Variants in VPS54 observed in about 807,000 individuals in gnomAD.
VPS54 encodes the protein VPS54 subunit of GARP complex.
Under a neutral mutation model 121.5 loss-of-function variants are expected in VPS54, and 45 were observed. The ratio of observed to expected loss-of-function variants is 0.37; its 90% CI spans 0.29 to 0.47. The LOEUF (loss-of-function observed/expected upper bound fraction) is 0.47, where lower values mean the gene tolerates loss of function less well. Ranked by LOEUF, VPS54 falls within the 20% of genes least tolerant of loss-of-function variation. The pLI, the probability that VPS54 is intolerant of heterozygous loss-of-function variation, is 0.99. For missense variants in VPS54, 1,090 were observed against 1,131.4 expected (o/e 0.96, Z 0.52); for synonymous variants, 371 against 385.8 (o/e 0.96, Z 0.45).
At chr2:63,995,639 C>G (rs1677546046) in intron 1 of VPS54, among the ~76,000 whole-genome samples, 1 of 152,112 alleles carries the variant, frequency 6.6e-6, no homozygotes, top group Admixed American at 6.5e-5. Flanking sequence ...AGGCATTGAC[C>G]AAAAATTGGC....
intron 1 of VPS54, among the ~76,000 whole-genome samples, chr2:64,015,865 A>G (rs941828629): frequency 4.6e-5 from 7 of 152,220 alleles, no homozygotes; most frequent in African/African-American, 1.4e-4. Context: ...CATGGGTTTC[A>G]TCAATGTAGC....
intron 6 of VPS54, among the ~76,000 whole-genome samples, chr2:63,964,010 A>G (rs969585689): frequency 2.0e-5 from 3 of 152,206 alleles, no homozygotes; most frequent in African/African-American, 7.2e-5. Flanking sequence ...ATTCCAGTGC[A>G]AACTCCTTAT....
Position 63,960,860 on chromosome 2 carries a change from G to C in VPS54, c.1010+1198C>G, listed in dbSNP as rs547510181. On this transcript the variant is annotated intron_variant, in intron 7 of 22. Coordinates refer to ENST00000272322, the MANE Select transcript of VPS54 (RefSeq NM_016516.3). ...TTCAAAGTAGACTTCAAAAAAACAT[G>C]AATCACCCAAAATTGATTGCAAAAT... is the stretch of plus-strand genomic sequence containing the variant. 3.3e-3 allele frequency among the ~76,000 whole-genome samples: 499 copies of C among 152,244 alleles called. 2 individuals carry two copies. Among genetic ancestry groups the C allele is most frequent in the Middle Eastern group, 0.017 (5 of 294 alleles).
chr2:63,897,170 A>T (rs1471715988), intron 22 of VPS54, among the ~76,000 whole-genome samples: 1 of 152,236 alleles, frequency 6.6e-6, no homozygotes, highest in Non-Finnish European at 1.5e-5. Flanking sequence ...AGGTTAAGTG[A>T]CATTCACATG....
intron 3 of VPS54, among the ~76,000 whole-genome samples, chr2:63,978,678 G>A (rs990839135): frequency 2.6e-5 from 4 of 152,192 alleles, no homozygotes; most frequent in Non-Finnish European, 4.4e-5. Context: ...GGAGTGGAAT[G>A]GCATGATCTC....
chr2:64,011,403 T>C (rs1464021891), intron 1 of VPS54, among the ~76,000 whole-genome samples: 1 of 151,510 alleles, frequency 6.6e-6, no homozygotes, highest in Non-Finnish European at 1.5e-5. Flanking sequence ...CTGTCTCTAC[T>C]AAAATACAAA....
intron 1 of VPS54, among the ~76,000 whole-genome samples, chr2:64,006,844 C>G (rs1678180276): frequency 6.6e-6 from 1 of 152,206 alleles, no homozygotes; most frequent in Non-Finnish European, 1.5e-5. Flanking sequence ...GTCTTGAACT[C>G]CTGACCTCAG....
At chr2:63,955,849 A>T (rs1485198266) in intron 7 of VPS54, among the ~76,000 whole-genome samples, 1 of 152,094 alleles carries the variant, frequency 6.6e-6, no homozygotes, top group Non-Finnish European at 1.5e-5. Context: ...ATTATTATTA[A>T]CCTTAACAAA....
chr2:64,008,167 C>A (rs1330884326), intron 1 of VPS54, among the ~76,000 whole-genome samples: 1 of 152,070 alleles, frequency 6.6e-6, no homozygotes, highest in Non-Finnish European at 1.5e-5. Context: ...AATTCCAGCA[C>A]TTTGGGAGGA....
chr2:63,928,419 G>A (rs977353664), intron 12 of VPS54, among the ~76,000 whole-genome samples: 22 of 152,160 alleles, frequency 1.4e-4, no homozygotes. Flanking sequence ...AGCTTCATAA[G>A]TGAAGGAGAA....
intron 13 of VPS54, among the ~76,000 whole-genome samples, chr2:63,920,839 G>A: frequency 6.6e-6 from 1 of 151,786 alleles, no homozygotes; most frequent in Non-Finnish European, 1.5e-5. Flanking sequence ...AATGAATTTA[G>A]GTCATACTAT....
intron 11 of VPS54, among the ~76,000 whole-genome samples, chr2:63,935,516 T>C (rs1419477281): frequency 6.6e-6 from 1 of 152,164 alleles, no homozygotes; most frequent in Non-Finnish European, 1.5e-5. Context: ...ATCTCTTCTG[T>C]CTTGCTAATT....
chr2:63,894,841 A>G (rs1558973151), intron 22 of VPS54, among the ~76,000 whole-genome samples: 1 of 152,226 alleles, frequency 6.6e-6, no homozygotes, highest in Non-Finnish European at 1.5e-5. Context: ...ATATAAGTAA[A>G]TTTACAAAAC....
At chr2:63,965,422 G>A (rs983396124) in intron 6 of VPS54, among the ~76,000 whole-genome samples, 2 of 152,216 alleles carry the variant, frequency 1.3e-5, no homozygotes, top group Admixed American at 1.3e-4. Flanking sequence ...GTTGCAGTGA[G>A]TGGAGATCGT....
At chr2:63,939,812 G>A (rs890297214) in intron 11 of VPS54, among the ~76,000 whole-genome samples, 1 of 151,484 alleles carries the variant, frequency 6.6e-6, no homozygotes, top group African/African-American at 2.4e-5. Flanking sequence ...CCAGGCTGGA[G>A]TACAGTAGCA....
At chr2:63,907,907 A>G (rs1242034562) in intron 20 of VPS54, among the ~76,000 whole-genome samples, 1 of 152,232 alleles carries the variant, frequency 6.6e-6, no homozygotes, top group Non-Finnish European at 1.5e-5. Flanking sequence ...ACATTAAAAA[A>G]TAAAGTGATG....
intron 12 of VPS54, 25 bp downstream of exon 12, chr2:63,933,648 A>G (rs750152226): frequency 3.2e-6 from 5 of 1,585,830 alleles, no homozygotes; most frequent in Middle Eastern, 3.4e-4. Context: ...AATCTTGTCA[A>G]TTTGGCAGTA....
chr2:63,970,164 T>G (rs1676198603), intron 4 of VPS54, among the ~76,000 whole-genome samples: 3 of 148,576 alleles, frequency 2.0e-5, no homozygotes, highest in East Asian at 3.9e-4. Context: ...CTCTTATCTT[T>G]GTATATAAAC....
intron 16 of VPS54, among the ~76,000 whole-genome samples, chr2:63,915,531 C>T (rs148117203): frequency 1.1e-3 from 174 of 152,222 alleles, no homozygotes; most frequent in Middle Eastern, 6.8e-3. Flanking sequence ...TGTAATAGTT[C>T]CCCTTTAGCC....
Sources: gnomAD v4.1 joint callset for allele counts (sites outside exome capture counted in the v4.1 genomes callset) on GRCh38, gnomAD v4.1.1 for gene constraint, MANE v1.5 for transcripts, NCBI Gene and HGNC (gene_info 2026-07-23, HGNC 2026-07-21) for gene names.